CSMD3: variants seen among roughly 807,000 people sequenced by gnomAD.
CSMD3 encodes CUB and sushi domain-containing protein 3.
CSMD3 carries 177 observed loss-of-function variants against 435.2 expected under a neutral mutation model. The observed-to-expected ratio is 0.41, with a 90% CI of 0.36 to 0.46. The LOEUF (loss-of-function observed/expected upper bound fraction) is 0.46, where lower values mean the gene tolerates loss of function less well. Ranked by LOEUF, CSMD3 falls within the 20% of genes least tolerant of loss-of-function variation. The pLI, the probability that CSMD3 is intolerant of heterozygous loss-of-function variation, is 0.34. For missense variants in CSMD3, 4,265 were observed against 4,504.6 expected (o/e 0.95, Z 1.52); for synonymous variants, 1,656 against 1,520.5 (o/e 1.09, Z -2.07).
At chr8:112,949,023 C>T (rs188531149) in intron 8 of CSMD3, among the ~76,000 whole-genome samples, 26 of 152,112 alleles carry the variant, frequency 1.7e-4, no homozygotes, top group African/African-American at 5.5e-4. Context: ...CATCCTCTTG[C>T]CTTGGCCATC....
At chr8:112,464,461 A>G (rs966236409) in intron 32 of CSMD3, among the ~76,000 whole-genome samples, 2 of 152,062 alleles carry the variant, frequency 1.3e-5, no homozygotes, top group Admixed American at 1.3e-4. Context: ...TTGGAGGAAG[A>G]AATTTATTAA....
chr8:113,250,127 C>T lies in CSMD3; in HGVS notation c.514+28465G>A, dbSNP rs536965245. 4.6e-5 allele frequency among the ~76,000 whole-genome samples: 7 copies of T among 152,118 alleles called. 1 individual carries two copies. In the South Asian group the frequency reaches 1.0e-3, roughly 23 times the overall value. On this transcript the variant is annotated intron_variant, in intron 3 of 70. Transcript: ENST00000297405. ...CACGAACAACAGTTTTCAGGATTTG[C>T]GTCAGGGGATCTAAGAGAATTGTAA...
At chr8:112,609,201 C>CAAAAAAAAAAAAAAAA (rs71566035) in intron 22 of CSMD3, among the ~76,000 whole-genome samples, 43 of 43,092 alleles carry the variant, frequency 1.0e-3, no homozygotes, top group African/African-American at 1.7e-3. Flanking sequence ...GATACTGCCT[C>CAAAAAAAAAAAAAAAA]AAAAAAAAAA....
intron 3 of CSMD3, among the ~76,000 whole-genome samples, chr8:113,231,346 T>G (rs1358418081): frequency 6.6e-6 from 1 of 151,350 alleles, no homozygotes; most frequent in African/African-American, 2.4e-5. Flanking sequence ...GTCATGGATA[T>G]ATATCTTTCT....
intron 28 of CSMD3, among the ~76,000 whole-genome samples, chr8:112,509,784 C>T (rs1219724358): frequency 6.6e-6 from 1 of 152,028 alleles, no homozygotes; most frequent in East Asian, 1.9e-4. Context: ...CCTTGTTGAC[C>T]ATATGTAAAC....
chr8:113,391,120 T>C (rs568743002), intron 1 of CSMD3, among the ~76,000 whole-genome samples: 5 of 152,112 alleles, frequency 3.3e-5, no homozygotes, highest in Admixed American at 2.6e-4. Flanking sequence ...ATTAGAATTA[T>C]ATGAAGTGAA....
At chr8:112,967,232 CTA>C (rs2084453894) in intron 7 of CSMD3, among the ~76,000 whole-genome samples, 1 of 151,886 alleles carries the variant, frequency 6.6e-6, no homozygotes, top group South Asian at 2.1e-4. Flanking sequence ...CTGCTTGCTC[CTA>C]TTCACTTGAA....
chr8:113,374,997 C>A (rs1241586296), intron 1 of CSMD3, among the ~76,000 whole-genome samples: 1 of 151,988 alleles, frequency 6.6e-6, no homozygotes, highest in Non-Finnish European at 1.5e-5. Flanking sequence ...GCATATAAAA[C>A]AACTTTTTAT....
chr8:112,270,361 T>TGTTAGGGGTGA (rs1554623003), intron 59 of CSMD3, among the ~76,000 whole-genome samples: 2 of 135,630 alleles, frequency 1.5e-5, no homozygotes, highest in East Asian at 4.0e-4. Flanking sequence ...TGTGTGTGTG[T>TGTTAGGGGTGA]GTGTGTGTGT....
In CSMD3 at chr8:112,313,987, T is replaced by C. The variant is rs2130831442; in HGVS notation, c.7615A>G (p.Thr2539Ala). The change falls in exon 49 of 71, where the codon ACA (threonine) becomes GCA (alanine). Residue 2539 changes from threonine (T) to alanine (A), a missense_variant. By Grantham distance (58) the Thr-to-Ala change is moderately conservative (BLOSUM62 0). Coordinates refer to ENST00000297405, the MANE Select transcript of CSMD3 (RefSeq NM_198123.2). ...AGAAATACTTCATGACCATTGCTTG[T>C]TATATTAAAAGCAGATGAATAATCC... is the stretch of plus-strand genomic sequence containing the variant. ...SGDYSSAFNI[T>A]SNGHEVFLQW... The C allele has an allele frequency of 4.3e-6, 7 of 1,611,384 alleles. No individual in the cohort carries two copies. Among genetic ancestry groups the C allele is most frequent in the Non-Finnish European group, 5.9e-6 (7 of 1,177,800 alleles).
rs2076375910 is a variant in CSMD3 at position 112,700,918 on chromosome 8, C to G, written c.1973-10868G>C. The stretch of plus-strand genomic sequence containing the variant: ...AGATAAATTTCTAACCCTTCCTCTC[C>G]CAAAACAGATGGTTCTAAAGCACAA... On this transcript the variant is annotated intron_variant, in intron 13 of 70. Coordinates refer to ENST00000297405, the MANE Select transcript of CSMD3 (RefSeq NM_198123.2). Among the ~76,000 whole-genome samples the G allele has an allele frequency of 2.0e-5, 3 of 152,198 alleles. 1 individual carries two copies. The highest frequency in any genetic ancestry group is 6.8e-3 in the Middle Eastern group (2 of 294).
chr8:112,924,491 C>T (rs2082849258), intron 9 of CSMD3, among the ~76,000 whole-genome samples: 1 of 151,950 alleles, frequency 6.6e-6, no homozygotes, highest in Admixed American at 6.6e-5. Context: ...CTAGTTCTAA[C>T]CAGGCTCTTC....
intron 13 of CSMD3, among the ~76,000 whole-genome samples, chr8:112,792,878 CA>C (rs1199389367): frequency 6.6e-6 from 1 of 151,582 alleles, no homozygotes; most frequent in African/African-American, 2.4e-5. Flanking sequence ...CTATTCATAA[CA>C]AAAATCTTAA....
intron 1 of CSMD3, among the ~76,000 whole-genome samples, chr8:113,404,402 T>C (rs760690433): frequency 2.6e-5 from 4 of 151,380 alleles, no homozygotes; most frequent in African/African-American, 4.8e-5. Context: ...AGGAATTTTA[T>C]CCAGTTACAA....
intron 32 of CSMD3, among the ~76,000 whole-genome samples, chr8:112,455,988 G>A (rs996691977): frequency 3.3e-5 from 5 of 151,794 alleles, no homozygotes; most frequent in Non-Finnish European, 5.9e-5. Flanking sequence ...CAATGGTCTA[G>A]TTTTATTCAT....
intron 5 of CSMD3, among the ~76,000 whole-genome samples, chr8:113,089,007 C>T (rs2089909516): frequency 6.6e-6 from 1 of 152,088 alleles, no homozygotes; most frequent in Non-Finnish European, 1.5e-5. Context: ...AGTCATGACT[C>T]TGTCAGAGAA....
intron 35 of CSMD3, 21 bp downstream of exon 35, chr8:112,406,503 C>A (rs2130020286): frequency 6.6e-7 from 1 of 1,509,762 alleles, no homozygotes; most frequent in South Asian, 1.2e-5. Flanking sequence ...AATCACAGAT[C>A]ATACAAATTT....
intron 60 of CSMD3, among the ~76,000 whole-genome samples, chr8:112,264,487 A>G (rs1816747227): frequency 1.3e-5 from 2 of 152,158 alleles, no homozygotes; most frequent in African/African-American, 4.8e-5. Flanking sequence ...TGACTGTATT[A>G]TGAGAACTAA....
At chr8:112,843,538 T>C (rs1485302111) in intron 11 of CSMD3, among the ~76,000 whole-genome samples, 1 of 151,930 alleles carries the variant, frequency 6.6e-6, no homozygotes, top group South Asian at 2.1e-4. Flanking sequence ...GAAAAGTTTA[T>C]TCTGGATTTC....
Sources: allele counts gnomAD v4.1 joint callset (sites outside exome capture counted in the v4.1 genomes callset), GRCh38; gene constraint gnomAD v4.1.1; transcripts MANE v1.5; gene names NCBI Gene and HGNC (gene_info 2026-07-23, HGNC 2026-07-21).